The following CASP6 variants were observed in gnomAD, a reference collection of about 807,000 sequenced individuals.
CASP6 encodes the protein caspase 6.
CASP6 carries 20 observed loss-of-function variants against 31.8 expected under a neutral mutation model. The observed-to-expected ratio is 0.63, with a 90% CI of 0.44 to 0.91. CASP6 has a LOEUF of 0.91. Ranked by LOEUF, CASP6 falls within the 40% of genes least tolerant of loss-of-function variation. The probability of loss-of-function intolerance (pLI) is 0.00; values close to 1 mark genes in which losing one functional copy is unlikely to be tolerated. For missense variants in CASP6, 328 were observed against 361.1 expected (o/e 0.91, Z 0.74); for synonymous variants, 130 against 127.8 (o/e 1.02, Z -0.12).
chr4:109,684,681 C>T (rs757276807), downstream of CASP6: 2 of 993,066 alleles, frequency 2.0e-6, no homozygotes, highest in Non-Finnish European at 3.2e-6. Flanking sequence ...TAAGTTAGAA[C>T]ATCTTTGCAA....
downstream of CASP6, among the ~76,000 whole-genome samples, chr4:109,684,065 C>CTTT (rs71595507): frequency 7.1e-6 from 1 of 140,046 alleles, no homozygotes; most frequent in Non-Finnish European, 1.5e-5. Context: ...TTCCTCTTTT[C>CTTT]TTTTTTTTTT....
At chr4:109,696,594 C>A in intron 3 of CASP6, 108 bp from the exon 4 acceptor site, 1 of 656,510 alleles carries the variant, frequency 1.5e-6, no homozygotes, top group Non-Finnish European at 2.6e-6. Flanking sequence ...AATTTGCTTT[C>A]TTTAGGAGAA....
chr4:109,665,842 C>T, the CASP6 span, among the ~76,000 whole-genome samples: 1 of 151,464 alleles, frequency 6.6e-6, no homozygotes, highest in African/African-American at 2.4e-5. Context: ...GTAGTAGGGC[C>T]AGGGACATGA....
intron 1 of CASP6, among the ~76,000 whole-genome samples, chr4:109,701,810 G>A (rs5030527): frequency 0.027 from 4,096 of 152,152 alleles, 174 homozygotes; most frequent in African/African-American, 0.093. Context: ...CAGAGAAAGT[G>A]GGCCAGGCGT....
upstream of CASP6, among the ~76,000 whole-genome samples, chr4:109,704,032 AAAGG>A (rs1384054284): frequency 6.6e-6 from 1 of 152,164 alleles, no homozygotes; most frequent in African/African-American, 2.4e-5. Flanking sequence ...CCGCGCTCAT[AAAGG>A]AAGGGGAAAT....
the CASP6 span, among the ~76,000 whole-genome samples, chr4:109,673,465 A>G: frequency 6.6e-6 from 1 of 152,230 alleles, no homozygotes; most frequent in Non-Finnish European, 1.5e-5. Context: ...ATGGGAGGTC[A>G]GTGAGCCCAG....
chr4:109,697,543 C>T, intron 3 of CASP6, 79 bp downstream of exon 3: 3 of 1,482,384 alleles, frequency 2.0e-6, no homozygotes, highest in Non-Finnish European at 2.7e-6. Flanking sequence ...CTGGGATTAC[C>T]AGCATGAACC....
At chr4:109,671,037 T>C in the CASP6 span, among the ~76,000 whole-genome samples, 1 of 152,238 alleles carries the variant, frequency 6.6e-6, no homozygotes. Context: ...TGTCATTGTC[T>C]GTATTTATCT....
At chr4:109,665,708 CA>C in the CASP6 span, among the ~76,000 whole-genome samples, 2 of 151,638 alleles carry the variant, frequency 1.3e-5, no homozygotes, top group Admixed American at 1.3e-4. Context: ...ATTTTTTTCC[CA>C]AATATTTTCA....
At chr4:109,687,473 CTCT>C (rs1729874143), downstream of CASP6, 1 of 1,373,436 alleles carries the variant, frequency 7.3e-7, no homozygotes, top group Non-Finnish European at 1.0e-6. Flanking sequence ...TGGTATGTTT[CTCT>C]TCTTTCTGAT....
At chr4:109,678,707 G>C in the CASP6 span, among the ~76,000 whole-genome samples, 1 of 134,966 alleles carries the variant, frequency 7.4e-6, no homozygotes, top group Non-Finnish European at 1.5e-5. Context: ...TCCCAGACGG[G>C]GTGGTGGCCA....
the CASP6 span, among the ~76,000 whole-genome samples, chr4:109,677,329 C>T: frequency 6.6e-6 from 1 of 152,138 alleles, no homozygotes; most frequent in Admixed American, 6.5e-5. Context: ...TAATTTGCTT[C>T]AGGATGAATC....
chr4:109,698,264 G>A (rs1322026812), intron 2 of CASP6, 36 bp downstream of exon 2: 3 of 1,587,252 alleles, frequency 1.9e-6, no homozygotes, highest in Non-Finnish European at 2.6e-6. Context: ...GACCATCAAA[G>A]GAAGAGACCT....
the CASP6 span, among the ~76,000 whole-genome samples, chr4:109,669,071 G>A: frequency 3.3e-5 from 5 of 152,008 alleles, no homozygotes; most frequent in Middle Eastern, 6.8e-3. Flanking sequence ...GATCAATTAA[G>A]AATAATAAAA....
At position 109,691,012 on chromosome 4, in the gene CASP6, A is replaced by G. The variant is rs1316990221; in HGVS notation, c.484-3T>C. On this transcript the variant is annotated splice_region_variant and splice_polypyrimidine_tract_variant and intron_variant, in intron 5 of 6. Coordinates refer to ENST00000265164, the MANE Select transcript of CASP6 (RefSeq NM_001226.4). The stretch of plus-strand genomic sequence containing the variant: ...TCGTGCTGGTTTCCCCGACATGCCT[A>G]CAAGACAAGGAGGAAAAACCCACCT... 1.2e-6 allele frequency: 2 copies of G among 1,608,070 alleles called. No individual in the cohort carries two copies. The highest frequency in any genetic ancestry group is 1.7e-6 in the Non-Finnish European group (2 of 1,177,238).
At chr4:109,687,765 G>C (rs550312537), downstream of CASP6, 2 of 587,412 alleles carry the variant, frequency 3.4e-6, no homozygotes, top group Non-Finnish European at 6.0e-6. Flanking sequence ...GGATTTTTAT[G>C]ACTTGCTAAT....
chr4:109,697,590 G>A (rs1404938281), intron 3 of CASP6, 32 bp downstream of exon 3: 9 of 1,579,998 alleles, frequency 5.7e-6, no homozygotes, highest in Non-Finnish European at 7.7e-6. Context: ...TCACTTAACT[G>A]CCTCATCTTG....
chr4:109,670,584 C>T, the CASP6 span, among the ~76,000 whole-genome samples: 91,589 of 151,482 alleles, frequency 0.6, 28,043 homozygotes, highest in South Asian at 0.68. Flanking sequence ...GGCATGGGGG[C>T]AGGTGCCTGT....
At position 109,694,544 on chromosome 4, in the gene CASP6, G is replaced by T; in HGVS notation, c.464C>A (p.Pro155His). 6.2e-7 allele frequency: 1 copy of T among 1,601,984 alleles called. No individual in the cohort carries two copies. Among genetic ancestry groups the T allele is most frequent in the East Asian group, 2.3e-5 (1 of 44,392 alleles). The part of the protein sequence containing the change: ...GDKCHSLVGK[P>H]KIFIIQACRG... Reference sequence around the variant, plus strand: ...TCTTACCTGAATGATAAATATCTTGGGTTTTCCAACCAGGCTGTGACACTT... The same window carrying T: ...TCTTACCTGAATGATAAATATCTTGTGTTTTCCAACCAGGCTGTGACACTT... The change falls in exon 5 of 7, where the codon CCC becomes CAC. Residue 155 changes from proline to histidine, a missense_variant. Physicochemically the swap from Pro to His is moderately conservative, Grantham distance 77. Coordinates refer to ENST00000265164, the MANE Select transcript of CASP6 (RefSeq NM_001226.4).
Sources: allele counts gnomAD v4.1 joint callset (sites outside exome capture counted in the v4.1 genomes callset), GRCh38; gene constraint gnomAD v4.1.1; transcripts MANE v1.5; gene names NCBI Gene and HGNC (gene_info 2026-07-23, HGNC 2026-07-21).